DNAH9: variants seen among roughly 807,000 people sequenced by gnomAD.
The protein encoded by DNAH9 is dynein axonemal heavy chain 9.
A neutral mutation model predicts 471.6 loss-of-function variants in DNAH9; 345 were observed. The ratio of observed to expected loss-of-function variants is 0.73; its 90% CI spans 0.67 to 0.80. The LOEUF (loss-of-function observed/expected upper bound fraction) is 0.80, where lower values mean the gene tolerates loss of function less well. Ranked by LOEUF, DNAH9 falls within the 30% of genes least tolerant of loss-of-function variation. The pLI, the probability that DNAH9 is intolerant of heterozygous loss-of-function variation, is 0.00. For synonymous variants in DNAH9, 2,093 were observed against 2,123.6 expected, an observed-to-expected ratio of 0.99 and a Z score of 0.40; for missense variants, 5,407 against 5,609.2, an observed-to-expected ratio of 0.96 and a Z score of 1.15.
At chr17:11,619,290 G>GC (rs35172421) in intron 5 of DNAH9, among the ~76,000 whole-genome samples, 151,112 of 152,318 alleles carry the variant, frequency 0.99, 74,966 homozygotes, top group East Asian at 1. Flanking sequence ...GCCCCAGCTA[G>GC]CCAACAAAGT....
At chr17:11,639,724 T>C (rs557792018) in intron 9 of DNAH9, among the ~76,000 whole-genome samples, 7 of 152,316 alleles carry the variant, frequency 4.6e-5, no homozygotes, top group Non-Finnish European at 8.8e-5. Flanking sequence ...AAACACTCAA[T>C]TGTGGCCAGG....
chr17:11,614,314 G>T (rs1335396254), intron 4 of DNAH9, among the ~76,000 whole-genome samples: 2 of 151,958 alleles, frequency 1.3e-5, no homozygotes, highest in African/African-American at 4.8e-5. Context: ...GAGAGGAAAA[G>T]AAATATTTCT....
rs538139138 is a variant in DNAH9, at chr17:11,838,733, G to A, written c.9507+3835G>A. On this transcript the variant is annotated intron_variant, in intron 49 of 68. Transcript: ENST00000262442. ...GCTGTAGACCGGTTCACAATCTACA[G>A]GTGGCAATGCATTACTGGGTTGCAA... Among the ~76,000 whole-genome samples, 5 of 152,266 alleles carry A rather than the reference G, an allele frequency of 3.3e-5. No individual in the cohort carries two copies. The East Asian group carries it at 7.7e-4, about 24-fold the overall frequency.
chr17:11,940,524 C>T (rs1259981801), intron 66 of DNAH9, among the ~76,000 whole-genome samples: 3 of 152,156 alleles, frequency 2.0e-5, no homozygotes, highest in Non-Finnish European at 4.4e-5. Context: ...CTCTCAGGTA[C>T]CATTAAAATC....
At chr17:11,684,605 CCA>C (rs2074203494) in intron 19 of DNAH9, among the ~76,000 whole-genome samples, 1 of 152,078 alleles carries the variant, frequency 6.6e-6, no homozygotes, top group Non-Finnish European at 1.5e-5. Context: ...GTCTTCTTGC[CCA>C]CACCAAGACC....
At chr17:11,652,625 G>A (rs2073537920) in intron 13 of DNAH9, 136 bp from the exon 14 acceptor site, 3 of 844,996 alleles carry the variant, frequency 3.6e-6, no homozygotes, top group South Asian at 1.7e-5. Flanking sequence ...AGAATATTCT[G>A]ACGATAATGA....
At chr17:11,693,450 G>C (rs1052013586) in intron 20 of DNAH9, among the ~76,000 whole-genome samples, 2 of 150,538 alleles carry the variant, frequency 1.3e-5, no homozygotes, top group Non-Finnish European at 3.0e-5. Context: ...GTTGAGACAG[G>C]GTTTCACCAT....
chr17:11,612,158 G>A (rs948356585), intron 4 of DNAH9: 19 of 505,444 alleles, frequency 3.8e-5, no homozygotes, highest in African/African-American at 3.7e-4. Flanking sequence ...CAAACACTGG[G>A]GCCAGGACAT....
At chr17:11,850,374 C>A (rs1597731702) in intron 49 of DNAH9, among the ~76,000 whole-genome samples, 1 of 152,176 alleles carries the variant, frequency 6.6e-6, no homozygotes, top group African/African-American at 2.4e-5. Flanking sequence ...CCAGGCTAGG[C>A]ATGGCGGCTC....
chr17:11,907,722 T>G (rs1252243569), intron 61 of DNAH9, among the ~76,000 whole-genome samples: 1 of 152,088 alleles, frequency 6.6e-6, no homozygotes, highest in Non-Finnish European at 1.5e-5. Context: ...TAAAGCTAAC[T>G]AGGCCCTAAA....
intron 7 of DNAH9, among the ~76,000 whole-genome samples, chr17:11,631,505 C>T (rs564347519): frequency 6.6e-6 from 1 of 151,884 alleles, no homozygotes; most frequent in Non-Finnish European, 1.5e-5. Context: ...AATAGCTGGG[C>T]GTGGTGGTGC....
At position 11,809,207 on chromosome 17, in the gene DNAH9, A is replaced by ATGTG. The variant is rs10624862; in HGVS notation, c.8584-1027_8584-1024dup. 5.8e-3 allele frequency among the ~76,000 whole-genome samples: 873 copies of ATGTG among 150,660 alleles called. 4 individuals carry two copies. Among genetic ancestry groups the ATGTG allele is most frequent in the Middle Eastern group, 0.01 (3 of 294 alleles). ...TTCCTACAGGTGATTGCATTTGTGT[A>ATGTG]TGTGTGTGTGTGTGTTGCCCCAGTA... On this transcript the variant is annotated intron_variant, in intron 44 of 68. Transcript: ENST00000262442.
chr17:11,898,351 G>T (rs1973290601), intron 59 of DNAH9, among the ~76,000 whole-genome samples: 1 of 152,134 alleles, frequency 6.6e-6, no homozygotes, highest in Non-Finnish European at 1.5e-5. Flanking sequence ...TCAATCTCTT[G>T]ACCTCATGAT....
chr17:11,849,081 C>T lies in DNAH9; in HGVS notation c.9508-4922C>T, dbSNP rs9907936. Among the ~76,000 whole-genome samples, 1,207 of 152,292 alleles carry T rather than the reference C, an allele frequency of 7.9e-3. 17 individuals carry two copies. Among genetic ancestry groups the T allele is most frequent in the African/African-American group, 0.028 (1,155 of 41,562 alleles). On this transcript the variant is annotated intron_variant, in intron 49 of 68. Coordinates refer to ENST00000262442, the MANE Select transcript of DNAH9 (RefSeq NM_001372.4). ...TCGATCTCCTGACCTCGTGATCCAC[C>T]TGCCTTGGCCTCCCAAAGTGCTGGC... is the stretch of plus-strand genomic sequence containing the variant.
chr17:11,652,524 A>G lies in DNAH9; in HGVS notation c.2354-237A>G, dbSNP rs376534447. Among the ~76,000 whole-genome samples the G allele has an allele frequency of 5.0e-3, 763 of 151,834 alleles. 7 individuals carry two copies. The highest frequency in any genetic ancestry group is 0.017 in the African/African-American group (710 of 41,396). On this transcript the variant is annotated intron_variant, in intron 13 of 68. Transcript: ENST00000262442. ...ATGGTCTCGATCTCCTGACCTCGTG[A>G]TCCGCCCACCTCGGCCTCCCAAAGT... is the stretch of plus-strand genomic sequence containing the variant.
Position 11,688,108 on chromosome 17 carries a change from C to T in DNAH9, c.3744-1458C>T, listed in dbSNP as rs534554413. Among the ~76,000 whole-genome samples the T allele has an allele frequency of 2.2e-3, 180 of 82,168 alleles. 1 individual carries two copies. Among genetic ancestry groups the T allele is most frequent in the Non-Finnish European group, 3.6e-3 (143 of 39,486 alleles). 53.9% of individuals were successfully genotyped at this position (82,168 alleles called of 152,430 possible). A position where few individuals can be genotyped will look rare whatever the true frequency, so the allele number is the denominator to read the frequency against. On this transcript the variant is annotated intron_variant, in intron 19 of 68. Transcript: ENST00000262442. Reference sequence around the variant, plus strand: ...AAAAAAAAAAAAAAAAAAGAAAAAGCCATCTGCCTACATGGGTTCCTTTGC... The same window carrying T: ...AAAAAAAAAAAAAAAAAAGAAAAAGTCATCTGCCTACATGGGTTCCTTTGC...
intron 28 of DNAH9, among the ~76,000 whole-genome samples, chr17:11,730,250 G>A (rs1416139442): frequency 6.6e-6 from 1 of 152,172 alleles, no homozygotes; most frequent in Admixed American, 6.5e-5. Flanking sequence ...GTGCATGTCA[G>A]TGGCATTGCA....
chr17:11,784,181 G>A, intron 40 of DNAH9, 119 bp from the exon 41 acceptor site: 1 of 1,503,308 alleles, frequency 6.7e-7, no homozygotes, highest in Non-Finnish European at 9.0e-7. Flanking sequence ...TGTGAGAGAT[G>A]GGACCAAAAT....
chr17:11,893,259 T>C (rs1344400017), intron 58 of DNAH9, among the ~76,000 whole-genome samples: 4 of 151,222 alleles, frequency 2.6e-5, no homozygotes, highest in African/African-American at 9.7e-5. Context: ...TTCTCTCCCC[T>C]GTACACAGCT....
Sources: gnomAD v4.1 joint callset for allele counts (sites outside exome capture counted in the v4.1 genomes callset) on GRCh38, gnomAD v4.1.1 for gene constraint, MANE v1.5 for transcripts, NCBI Gene and HGNC (gene_info 2026-07-23, HGNC 2026-07-21) for gene names.